KIRREL3: variants seen among roughly 807,000 people sequenced by gnomAD.
The protein encoded by KIRREL3 is kirre like nephrin family adhesion molecule 3, also known as kin of IRRE-like protein 3.
In KIRREL3, 36 loss-of-function variants were observed where a neutral mutation model predicts 89.7. That is an observed-to-expected ratio of 0.40 (90% CI 0.31 to 0.53). KIRREL3 has a LOEUF of 0.53. Among genes scored for constraint, KIRREL3 ranks in the 20% least tolerant of loss-of-function variants. The pLI is 0.49. For missense variants in KIRREL3, 864 were observed against 1,056.6 expected (o/e 0.82, Z 2.53); for synonymous variants, 445 against 441.4 (o/e 1.01, Z -0.10).
chr11:126,577,592 CA>C (rs61210940), intron 1 of KIRREL3, among the ~76,000 whole-genome samples: 3,228 of 115,930 alleles, frequency 0.028, 95 homozygotes, highest in African/African-American at 0.078. Flanking sequence ...ACTAAAAATA[CA>C]AAAAAAAAAA....
At chr11:126,933,779 GAA>G (rs35968116) in intron 1 of KIRREL3, among the ~76,000 whole-genome samples, 1 of 146,962 alleles carries the variant, frequency 6.8e-6, no homozygotes, top group African/African-American at 2.5e-5. Flanking sequence ...CACCAAAAAG[GAA>G]AAAAAAAAAC....
chr11:126,673,873 T>C (rs1946069315), intron 1 of KIRREL3, among the ~76,000 whole-genome samples: 2 of 152,232 alleles, frequency 1.3e-5, no homozygotes, highest in Non-Finnish European at 2.9e-5. Flanking sequence ...GTTAAACTAC[T>C]GGAAGGGTGG....
chr11:126,450,609 CG>C (rs1463617680), intron 7 of KIRREL3, among the ~76,000 whole-genome samples: 1 of 114,446 alleles, frequency 8.7e-6, no homozygotes, highest in African/African-American at 3.4e-5. Flanking sequence ...GTGTGTCCAT[CG>C]GCGTGTGCGA....
rs995579950 is a variant in KIRREL3 at position 126,773,204 on chromosome 11, G to C, written c.56-210292C>G. On this transcript the variant is annotated intron_variant, in intron 1 of 16. Coordinates refer to ENST00000525144, the MANE Select transcript of KIRREL3 (RefSeq NM_032531.4). This position sits in a 1 kb window ranked among gnomAD's most constrained non-coding sequence, Gnocchi z 4.2. ...CTGGGACATGGTGCCCAGATGTTTTGTCAAACATTCTGGATGTTTCTGTGA... is the reference window on the plus strand; with the variant it reads ...CTGGGACATGGTGCCCAGATGTTTTCTCAAACATTCTGGATGTTTCTGTGA... Among the ~76,000 whole-genome samples the C allele has an allele frequency of 6.6e-6, 1 of 152,200 alleles. No homozygotes were observed. The highest frequency in any genetic ancestry group is 1.5e-5 in the Non-Finnish European group (1 of 68,040).
intron 1 of KIRREL3, among the ~76,000 whole-genome samples, chr11:126,691,299 A>G (rs558308068): frequency 1.7e-4 from 26 of 152,092 alleles, no homozygotes; most frequent in Non-Finnish European, 3.4e-4. Flanking sequence ...GACAAGGGCA[A>G]CTCTCTCTCA....
intron 13 of KIRREL3, 84 bp downstream of exon 13, chr11:126,435,184 T>TA (rs1955274352): frequency 7.0e-7 from 1 of 1,430,120 alleles, no homozygotes; most frequent in African/African-American, 1.4e-5. Flanking sequence ...CAGGCCTCCC[T>TA]ACCCCCTGCT....
intron 1 of KIRREL3, among the ~76,000 whole-genome samples, chr11:126,941,870 C>T (rs1178950060): frequency 6.6e-6 from 1 of 152,212 alleles, no homozygotes; most frequent in Non-Finnish European, 1.5e-5. Context: ...TTTTCTAGTT[C>T]TGTTGTGCCC....
Position 126,448,996 on chromosome 11 carries a change from C to G in KIRREL3, c.997+13G>C. On this transcript the variant is annotated intron_variant, in intron 8 of 16. Coordinates refer to ENST00000525144, the MANE Select transcript of KIRREL3 (RefSeq NM_032531.4). ...GCCTGCTCGCCTGGGGAAGCCTGCA[C>G]CACTGCACTCACAGTAGACGTCAAC... The G allele has an allele frequency of 6.3e-7, 1 of 1,598,080 alleles. No homozygotes were observed. The highest frequency in any genetic ancestry group is 8.6e-7 in the Non-Finnish European group (1 of 1,167,636).
At position 126,563,066 on chromosome 11, in the gene KIRREL3, A is replaced by C. The variant is rs186612356; in HGVS notation, c.56-154T>G. 1.3e-5 allele frequency among the ~76,000 whole-genome samples: 2 copies of C among 152,358 alleles called. No individual in the cohort carries two copies. The highest frequency in any genetic ancestry group is 4.8e-5 in the African/African-American group (2 of 41,592). ...ATATGGAAATTGTTATGTTCCAGGC[A>C]TAAGTTTAAGCCAGCAATTCTTCAT... On this transcript the variant is annotated intron_variant, in intron 1 of 16. Transcript: ENST00000525144. This position sits in a 1 kb window ranked among gnomAD's most constrained non-coding sequence, Gnocchi z 6.8.
chr11:126,936,152 C>T (rs1324017662), intron 1 of KIRREL3: 2 of 152,138 alleles, frequency 1.3e-5, no homozygotes, highest in African/African-American at 4.8e-5. Context: ...TGCTTAACAT[C>T]ATTAATCACT....
intron 4 of KIRREL3, among the ~76,000 whole-genome samples, chr11:126,517,417 G>A (rs903472815): frequency 6.6e-6 from 1 of 152,120 alleles, no homozygotes; most frequent in Admixed American, 6.5e-5. Flanking sequence ...CTGCACATGT[G>A]CATGGGGGTC....
intron 1 of KIRREL3, among the ~76,000 whole-genome samples, chr11:126,657,254 A>C (rs1362350643): frequency 6.6e-5 from 10 of 151,230 alleles, no homozygotes; most frequent in Non-Finnish European, 1.2e-4. Context: ...ATAATTAAAT[A>C]AATAAATAAA....
chr11:126,743,853 G>C (rs1949056121), intron 1 of KIRREL3, among the ~76,000 whole-genome samples: 1 of 152,218 alleles, frequency 6.6e-6, no homozygotes, highest in Non-Finnish European at 1.5e-5. Context: ...GGTTTTAGGA[G>C]CTTGTAGGAG....
Position 127,000,615 on chromosome 11 carries a change from G to T in KIRREL3, c.-106C>A. ...CCTCCGCCGGTCCTCTCGGGTTCGCGCCTACCATCTGTCCGTCCGTGGGTC... is the reference window on the plus strand; with the variant it reads ...CCTCCGCCGGTCCTCTCGGGTTCGCTCCTACCATCTGTCCGTCCGTGGGTC... On this transcript the variant is annotated 5_prime_UTR_variant, in exon 1 of 17. Transcript: ENST00000525144. The surrounding 1 kb of genome is among the most constrained non-coding windows in gnomAD (Gnocchi z 7.1). The T allele has an allele frequency of 8.4e-7, 1 of 1,191,368 alleles. No homozygotes were observed. Among genetic ancestry groups the T allele is most frequent in the Non-Finnish European group, 1.2e-6 (1 of 836,806 alleles). 73.8% of individuals were successfully genotyped at this position (1,191,368 alleles called of 1,614,324 possible).
intron 1 of KIRREL3, among the ~76,000 whole-genome samples, chr11:126,863,420 C>T (rs140081023): frequency 0.61 from 82,893 of 135,728 alleles, 25,906 homozygotes; most frequent in African/African-American, 0.78. Flanking sequence ...CGTGTGTGAG[C>T]GCATGTGTGT....
Position 126,747,312 on chromosome 11 carries a change from T to A in KIRREL3, c.56-184400A>T, listed in dbSNP as rs992615295. Among the ~76,000 whole-genome samples the A allele has an allele frequency of 3.3e-5, 5 of 152,212 alleles. No individual in the cohort carries two copies. The highest frequency in any genetic ancestry group is 5.9e-5 in the Non-Finnish European group (4 of 68,040). Reference sequence around the variant, plus strand: ...GTTGTATGAGGATTAAATAAAATACTGGGGATAGAGCTCTTTGCTCATTAT... The same window carrying A: ...GTTGTATGAGGATTAAATAAAATACAGGGGATAGAGCTCTTTGCTCATTAT... On this transcript the variant is annotated intron_variant, in intron 1 of 16. Coordinates refer to ENST00000525144, the MANE Select transcript of KIRREL3 (RefSeq NM_032531.4). The surrounding 1 kb of genome is among the most constrained non-coding windows in gnomAD (Gnocchi z 4.7).
At position 126,903,947 on chromosome 11, in the gene KIRREL3, A is replaced by T. The variant is rs979355148; in HGVS notation, c.55+96508T>A. On this transcript the variant is annotated intron_variant, in intron 1 of 16. Transcript: ENST00000525144. This position sits in a 1 kb window ranked among gnomAD's most constrained non-coding sequence, Gnocchi z 4.5. ...AAAGTAATCCCTTGGTTCACCCTGG[A>T]ACAGAACCAGTTCTTTACAAGGTGA... 2.0e-5 allele frequency among the ~76,000 whole-genome samples: 3 copies of T among 152,298 alleles called. No homozygotes were observed. The highest frequency in any genetic ancestry group is 2.9e-5 in the Non-Finnish European group (2 of 68,008).
chr11:126,926,182 T>C (rs1474730120), intron 1 of KIRREL3, among the ~76,000 whole-genome samples: 1 of 152,144 alleles, frequency 6.6e-6, no homozygotes, highest in Non-Finnish European at 1.5e-5. Context: ...AAAGGACAGG[T>C]GGGTGGCAGA....
At chr11:126,774,501 G>C (rs1356759641) in intron 1 of KIRREL3, among the ~76,000 whole-genome samples, 3 of 152,154 alleles carry the variant, frequency 2.0e-5, no homozygotes, top group African/African-American at 7.2e-5. Context: ...CCACGCTCTG[G>C]GCTACCTGGA....
Sources: gnomAD v4.1 joint callset for allele counts (sites outside exome capture counted in the v4.1 genomes callset) on GRCh38, gnomAD v4.1.1 for gene constraint, Gnocchi (gnomAD v3.1) non-coding constraint, MANE v1.5 for transcripts, NCBI Gene and HGNC (gene_info 2026-07-23, HGNC 2026-07-21) for gene names.